The following MEGF11 variants were observed in gnomAD, a reference collection of about 807,000 sequenced individuals.
MEGF11 encodes multiple epidermal growth factor-like domains protein 11.
In MEGF11, 126 loss-of-function variants were observed where a neutral mutation model predicts 146.6. The observed-to-expected ratio is 0.86, with a 90% CI of 0.74 to 1.00. The LOEUF (loss-of-function observed/expected upper bound fraction) is 1.00, where lower values mean the gene tolerates loss of function less well. Among genes scored for constraint, MEGF11 ranks in the 50% least tolerant of loss-of-function variants. The pLI, the probability that MEGF11 is intolerant of heterozygous loss-of-function variation, is 0.00. For missense variants in MEGF11, 1,509 were observed against 1,521.2 expected, an observed-to-expected ratio of 0.99 and a Z score of 0.13; for synonymous variants, 532 against 583.4, an observed-to-expected ratio of 0.91 and a Z score of 1.27.
chr15:66,015,618 C>T (rs1395828275), intron 5 of MEGF11, among the ~76,000 whole-genome samples: 1 of 152,158 alleles, frequency 6.6e-6, no homozygotes, highest in Non-Finnish European at 1.5e-5. Flanking sequence ...TCCCAGAAAA[C>T]TGAATGAGAA....
chr15:65,983,470 G>C (rs1256801855), intron 5 of MEGF11, among the ~76,000 whole-genome samples: 1 of 152,182 alleles, frequency 6.6e-6, no homozygotes, highest in Non-Finnish European at 1.5e-5. Flanking sequence ...AAATTCTGGG[G>C]TGAAAGTAGG....
chr15:65,933,620 T>G (rs901355065), intron 10 of MEGF11, among the ~76,000 whole-genome samples: 2 of 152,200 alleles, frequency 1.3e-5, no homozygotes, highest in African/African-American at 4.8e-5. Flanking sequence ...GGCTTTCTGC[T>G]TCCCAGAGAA....
intron 1 of MEGF11, among the ~76,000 whole-genome samples, chr15:66,146,700 C>T (rs1191785007): frequency 6.6e-6 from 1 of 152,346 alleles, no homozygotes. Context: ...AATTCTGTCC[C>T]GATCTCACTG....
chr15:65,954,329 C>G (rs1302337510), intron 10 of MEGF11, among the ~76,000 whole-genome samples: 1 of 152,208 alleles, frequency 6.6e-6, no homozygotes, highest in Non-Finnish European at 1.5e-5. Context: ...GTCTGCTCTG[C>G]TGATTGCTCC....
chr15:66,124,059 T>C, intron 2 of MEGF11, 59 bp from the exon 3 acceptor site: 1 of 1,394,116 alleles, frequency 7.2e-7, no homozygotes, highest in Admixed American at 1.7e-5. Context: ...GAGCTGATAT[T>C]CCGCAGGGCA....
chr15:65,960,663 G>T lies in MEGF11; in HGVS notation c.1113-2942C>A, dbSNP rs80097048. On this transcript the variant is annotated intron_variant, in intron 9 of 25. Coordinates refer to ENST00000395614, the MANE Select transcript of MEGF11 (RefSeq NM_001385028.1). ...TGCTGAGCACTGGAGATTCTAAAAG[G>T]TCTCAGGCACCTTTCTGTCTCTTCC... Among the ~76,000 whole-genome samples, 1,143 of 152,330 alleles carry T rather than the reference G, an allele frequency of 7.5e-3. 12 individuals carry two copies. The highest frequency in any genetic ancestry group is 0.047 in the South Asian group (227 of 4,820).
intron 1 of MEGF11, among the ~76,000 whole-genome samples, chr15:66,205,628 T>C (rs896748902): frequency 1.3e-5 from 2 of 152,202 alleles, no homozygotes; most frequent in Admixed American, 6.5e-5. Flanking sequence ...CTCCAGCTAG[T>C]AACAAACTGC....
chr15:66,107,062 A>ACCCCCCG (rs10666321), intron 4 of MEGF11, among the ~76,000 whole-genome samples: 1 of 150,234 alleles, frequency 6.7e-6, no homozygotes, highest in African/African-American at 2.5e-5. Flanking sequence ...CTACCCCCCC[A>ACCCCCCG]CCAGGTATAG....
chr15:65,948,529 G>A (rs1011223455), intron 10 of MEGF11, among the ~76,000 whole-genome samples: 1 of 152,186 alleles, frequency 6.6e-6, no homozygotes, highest in Admixed American at 6.5e-5. Flanking sequence ...CAGCTACTGA[G>A]TGACAGATGT....
intron 1 of MEGF11, among the ~76,000 whole-genome samples, chr15:66,224,739 C>CAT (rs1034287489): frequency 8.3e-5 from 12 of 145,158 alleles, no homozygotes; most frequent in South Asian, 2.1e-4. Context: ...ATGTATATCT[C>CAT]ATATATATAT....
At chr15:65,912,715 C>T (rs973324431) in intron 20 of MEGF11, among the ~76,000 whole-genome samples, 18 of 152,184 alleles carry the variant, frequency 1.2e-4, no homozygotes, top group African/African-American at 3.9e-4. Flanking sequence ...ATCCCCAAAT[C>T]TGTGTGTGGG....
intron 1 of MEGF11, among the ~76,000 whole-genome samples, chr15:66,137,899 G>T (rs1411175726): frequency 6.6e-6 from 1 of 151,992 alleles, no homozygotes; most frequent in Non-Finnish European, 1.5e-5. Context: ...TCAATTTTCA[G>T]ATTTCAAAAA....
intron 10 of MEGF11, among the ~76,000 whole-genome samples, chr15:65,955,607 G>A (rs550015737): frequency 6.7e-6 from 1 of 148,410 alleles, no homozygotes; most frequent in South Asian, 2.1e-4. Context: ...AGCTAGGCGT[G>A]GTGGCACATG....
intron 10 of MEGF11, among the ~76,000 whole-genome samples, chr15:65,950,582 C>A (rs1159934835): frequency 1.4e-5 from 1 of 71,144 alleles, no homozygotes; most frequent in Non-Finnish European, 2.7e-5. Flanking sequence ...CTTAGACACA[C>A]AGACACACAC....
rs1036429352 is a variant in MEGF11 at position 65,962,028 on chromosome 15, C to T, written c.1112+2880G>A. ...ATATCTTATGTGCATATATCAAGTGCCCTTATTACGGATACTTGCTTAGAC... is the reference window on the plus strand; with the variant it reads ...ATATCTTATGTGCATATATCAAGTGTCCTTATTACGGATACTTGCTTAGAC... On this transcript the variant is annotated intron_variant, in intron 9 of 25. Transcript: ENST00000395614. Among the ~76,000 whole-genome samples the T allele has an allele frequency of 3.3e-5, 5 of 152,142 alleles. No homozygotes were observed. In the East Asian group the frequency reaches 9.6e-4, roughly 29 times the overall value.
rs1297431791 is a variant in MEGF11 at position 65,897,912 on chromosome 15, G to A, written c.*22C>T. On this transcript the variant is annotated 3_prime_UTR_variant, in exon 26 of 26. Transcript: ENST00000395614. Reference sequence around the variant, plus strand: ...GTCAGAATATTCAGTAGAGCACACTGCAAGAGAGAAGCTTATCCCTCTTAA... The same window carrying A: ...GTCAGAATATTCAGTAGAGCACACTACAAGAGAGAAGCTTATCCCTCTTAA... 2 of 1,608,914 alleles carry A rather than the reference G, an allele frequency of 1.2e-6. No individual in the cohort carries two copies. Among genetic ancestry groups the A allele is most frequent in the Admixed American group, 1.7e-5 (1 of 59,798 alleles).
chr15:65,901,463 G>A (rs1035234038), intron 24 of MEGF11, among the ~76,000 whole-genome samples: 1 of 152,138 alleles, frequency 6.6e-6, no homozygotes, highest in African/African-American at 2.4e-5. Flanking sequence ...GGAATCTGAA[G>A]CTCAGAAAAT....
intron 10 of MEGF11, among the ~76,000 whole-genome samples, chr15:65,949,608 C>A (rs959362157): frequency 6.6e-6 from 1 of 152,216 alleles, no homozygotes; most frequent in Non-Finnish European, 1.5e-5. Context: ...TTCCCGCATT[C>A]CCGTCTCCAT....
rs1368152086 is a variant in MEGF11, at chr15:65,982,192, G to GGTCCCGCCCCTCCAA, written c.641+49_641+50insTTGGAGGGGCGGGAC. ...ACCCTCCCCACCCAGGCACCCTCCA[G>GGTCCCGCCCCTCCAA]GTCCCGCCCCTCCAGGTCCCGCCCC... On this transcript the variant is annotated intron_variant, in intron 6 of 25. Transcript: ENST00000395614. This position sits in a 1 kb window ranked among gnomAD's most constrained non-coding sequence, Gnocchi z 5.6. 8.0e-7 allele frequency: 1 copy of GGTCCCGCCCCTCCAA among 1,254,878 alleles called. No individual in the cohort carries two copies. The highest frequency in any genetic ancestry group is 1.8e-5 in the African/African-American group (1 of 56,100). The allele number at this position is 1,254,878 out of a possible 1,614,324, so 77.7% of individuals were successfully genotyped here.
Sources: allele counts gnomAD v4.1 joint callset (sites outside exome capture counted in the v4.1 genomes callset), GRCh38; gene constraint gnomAD v4.1.1; non-coding constraint Gnocchi (gnomAD v3.1); transcripts MANE v1.5; gene names NCBI Gene and HGNC (gene_info 2026-07-23, HGNC 2026-07-21).